The following LTBP3 variants were observed in gnomAD, a reference collection of about 807,000 sequenced individuals.
The protein encoded by LTBP3 is latent transforming growth factor beta binding protein 3.
LTBP3 carries 97 observed loss-of-function variants against 159.7 expected under a neutral mutation model. The ratio of observed to expected loss-of-function variants is 0.61; its 90% confidence interval spans 0.52 to 0.72. The LOEUF is 0.72. Among genes scored for constraint, LTBP3 ranks in the 30% least tolerant of loss-of-function variants. The pLI is 0.00. For synonymous variants in LTBP3, 824 were observed against 777.1 expected (o/e 1.06, Z -1.00); for missense variants, 1,584 against 1,864.3 (o/e 0.85, Z 2.77).
At position 65,558,186 on chromosome 11, in the gene LTBP3, A is replaced by G; in HGVS notation, c.-227T>C. 1 of 1,061,948 alleles carries G rather than the reference A, an allele frequency of 9.4e-7. No homozygotes were observed. Among genetic ancestry groups the G allele is most frequent in the Non-Finnish European group, 1.1e-6 (1 of 878,044 alleles). The allele number at this position is 1,061,948 out of a possible 1,614,324, so 65.8% of individuals were successfully genotyped here. A position where few individuals can be genotyped will look rare whatever the true frequency, so the allele number is the denominator to read the frequency against. ...TTCCCAGCCCCAGGACGAAGCCCAG[A>G]CCAGGCCCCGAACTCAGGCAGGAGC... On this transcript the variant is annotated 5_prime_UTR_variant, in exon 1 of 28. Coordinates refer to ENST00000301873, the MANE Select transcript of LTBP3 (RefSeq NM_001130144.3).
At chr11:65,541,767 T>C in intron 18 of LTBP3, 39 bp from the exon 19 acceptor site, 7 of 1,612,352 alleles carry the variant, frequency 4.3e-6, no homozygotes, top group Non-Finnish European at 5.9e-6. Flanking sequence ...ACCCAGCCCC[T>C]CTTTCCCTGG....
Position 65,539,770 on chromosome 11 carries a change from T to C in LTBP3, c.3497A>G (p.Gln1166Arg). The change falls in exon 25 of 28, where the codon CAG becomes CGG. Residue 1166 changes from glutamine to arginine, a missense_variant. Coordinates refer to ENST00000301873, the MANE Select transcript of LTBP3 (RefSeq NM_001130144.3). ...ALTFDDCCCR[Q>R]GRGWGAQCRP... is the part of the protein sequence containing the mutation. ...GCATTGGGCGCCCCAGCCGCGGCCC[T>C]GGCGGCAGCAGCAGTCGTCGAAGGT... The C allele has an allele frequency of 1.9e-6, 3 of 1,545,616 alleles. No homozygotes were observed. The highest frequency in any genetic ancestry group is 2.4e-5 in the East Asian group (1 of 42,044).
rs559422035 is a variant in LTBP3, at chr11:65,555,355, TGCCTGCC to T, written c.332-982_332-976del. Among the ~76,000 whole-genome samples, 12 of 152,192 alleles carry T rather than the reference TGCCTGCC, an allele frequency of 7.9e-5. No individual in the cohort carries two copies. The East Asian group carries it at 2.1e-3, about 27-fold the overall frequency. On this transcript the variant is annotated intron_variant, in intron 1 of 27. Transcript: ENST00000301873. ...AGGACCCATCTCCCTCTTGCAAATG[TGCCTGCC>T]TCCTGCCTCCTGGCCTCATCCATGC...
intron 18 of LTBP3, among the ~76,000 whole-genome samples, chr11:65,542,242 C>G (rs1298151415): frequency 1.3e-5 from 2 of 152,176 alleles, no homozygotes; most frequent in Non-Finnish European, 2.9e-5. Context: ...AATCATTAGT[C>G]TATACCTTTC....
In LTBP3 at chr11:65,538,620, A is replaced by T; in HGVS notation, c.*460T>A. The T allele has an allele frequency of 6.3e-7, 1 of 1,578,508 alleles. No homozygotes were observed. The highest frequency in any genetic ancestry group is 2.3e-5 in the East Asian group (1 of 44,134). On this transcript the variant is annotated 3_prime_UTR_variant, in exon 28 of 28. Transcript: ENST00000301873. ...GAGAGCCCGCCCCACAGATGTATTT[A>T]TTGTACAAACCATGTGAGCCCGGCC...
At chr11:65,555,115 A>G (rs1856763502) in intron 1 of LTBP3, among the ~76,000 whole-genome samples, 1 of 151,848 alleles carries the variant, frequency 6.6e-6, no homozygotes, top group South Asian at 2.1e-4. Context: ...ACAGCCTCTA[A>G]TGTCCCATGA....
intron 1 of LTBP3, among the ~76,000 whole-genome samples, chr11:65,555,083 T>TCCTGCTCTCC (rs1417160879): frequency 6.6e-6 from 1 of 152,056 alleles, no homozygotes; most frequent in Admixed American, 6.5e-5. Flanking sequence ...GCTCCGTCCC[T>TCCTGCTCTCC]CCTGCTCTCC....
Position 65,538,660 on chromosome 11 carries a change from A to C in LTBP3, c.*420T>G, listed in dbSNP as rs1405113933. 1.7e-5 allele frequency: 23 copies of C among 1,387,230 alleles called. No individual in the cohort carries two copies. Among genetic ancestry groups the C allele is most frequent in the Non-Finnish European group, 2.2e-5 (23 of 1,028,308 alleles). The allele number at this position is 1,387,230 out of a possible 1,614,324, so 85.9% of individuals were successfully genotyped here. ...TGAGCCCGGCCGGCCCAGCCAGGCC[A>C]TCTCACGTGTACATAATCAGAGCCA... On this transcript the variant is annotated 3_prime_UTR_variant, in exon 28 of 28. Transcript: ENST00000301873.
At position 65,547,705 on chromosome 11, in the gene LTBP3, C is replaced by T. The variant is rs770990142; in HGVS notation, c.1963G>A (p.Gly655Arg). ...RGYRLHVGAG[G>R]RSCVDLNECA... ...CGGCGCTCACCCACGCACGAGCGCC[C>T]CCCGGCGCCCACGTGCAGGCGGTAG... Residue 655 changes from glycine to arginine, a missense_variant, in exon 13 of 28, where the codon GGG (glycine) becomes AGG (arginine). Gly to Arg is a moderately radical substitution (Grantham distance 125). Coordinates refer to ENST00000301873, the MANE Select transcript of LTBP3 (RefSeq NM_001130144.3). The surrounding 1 kb of genome is among the most constrained non-coding windows in gnomAD (Gnocchi z 4.6). The T allele has an allele frequency of 1.2e-6, 2 of 1,605,534 alleles. No individual in the cohort carries two copies. The highest frequency in any genetic ancestry group is 2.7e-5 in the African/African-American group (2 of 74,784).
chr11:65,553,594 G>C lies in LTBP3; in HGVS notation c.865-64C>G. The stretch of plus-strand genomic sequence containing the variant: ...CGCCCCGGTGCCGCCTGTTAGGGTT[G>C]GGCCTTTTCCTCTTCCCCCGCCCCT... On this transcript the variant is annotated intron_variant, in intron 3 of 27. Coordinates refer to ENST00000301873, the MANE Select transcript of LTBP3 (RefSeq NM_001130144.3). This position sits in a 1 kb window ranked among gnomAD's most constrained non-coding sequence, Gnocchi z 6.5. 5 of 1,499,784 alleles carry C rather than the reference G, an allele frequency of 3.3e-6. No individual in the cohort carries two copies. The highest frequency in any genetic ancestry group is 3.7e-6 in the Non-Finnish European group (4 of 1,093,306). The allele number at this position is 1,499,784 out of a possible 1,614,324, so 92.9% of individuals were successfully genotyped here.
In LTBP3 at chr11:65,553,948, C is replaced by T; in HGVS notation, c.662-45G>A. 6.6e-7 allele frequency: 1 copy of T among 1,526,364 alleles called. No homozygotes were observed. The highest frequency in any genetic ancestry group is 8.8e-7 in the Non-Finnish European group (1 of 1,132,466). 94.6% of individuals were successfully genotyped at this position (1,526,364 alleles called of 1,614,324 possible). A position where few individuals can be genotyped will look rare whatever the true frequency, so the allele number is the denominator to read the frequency against. ...CCTCAGGGCTGCCCGCACCGCGCCG[C>T]GGGTCACCGCGCTGAGCTCCTCCAG... On this transcript the variant is annotated intron_variant, in intron 2 of 27. Coordinates refer to ENST00000301873, the MANE Select transcript of LTBP3 (RefSeq NM_001130144.3). This position sits in a 1 kb window ranked among gnomAD's most constrained non-coding sequence, Gnocchi z 6.5.
intron 1 of LTBP3, among the ~76,000 whole-genome samples, chr11:65,555,805 CAGGGCAGG>C (rs1262155083): frequency 6.6e-6 from 1 of 152,162 alleles, no homozygotes; most frequent in African/African-American, 2.4e-5. Context: ...CCTCACTTCC[CAGGGCAGG>C]AGGGCAGGAG....
Position 65,547,625 on chromosome 11 carries a change from A to G in LTBP3, c.1979-58T>C, listed in dbSNP as rs947240307. On this transcript the variant is annotated intron_variant, in intron 13 of 27. Coordinates refer to ENST00000301873, the MANE Select transcript of LTBP3 (RefSeq NM_001130144.3). The surrounding 1 kb of genome is among the most constrained non-coding windows in gnomAD (Gnocchi z 4.6). ...TAGGAGGCGGCGGGCAAGGGGAGGG[A>G]TTACACGGCGGTCTGGAGGAGAGCC... is the stretch of plus-strand genomic sequence containing the variant. 5 of 1,609,776 alleles carry G rather than the reference A, an allele frequency of 3.1e-6. No homozygotes were observed. Among genetic ancestry groups the G allele is most frequent in the Non-Finnish European group, 8.5e-7 (1 of 1,178,528 alleles).
intron 1 of LTBP3, among the ~76,000 whole-genome samples, chr11:65,555,040 T>A (rs1156399901): frequency 1.3e-5 from 2 of 151,828 alleles, no homozygotes; most frequent in African/African-American, 4.8e-5. Context: ...CCTCTTCACC[T>A]GGCCACCAGG....
rs982003182 is a variant in LTBP3 at position 65,539,238 on chromosome 11, G to A, written c.3761-7C>T. 1.3e-6 allele frequency: 2 copies of A among 1,526,338 alleles called. No individual in the cohort carries two copies. Among genetic ancestry groups the A allele is most frequent in the South Asian group, 1.2e-5 (1 of 83,276 alleles). 94.5% of individuals were successfully genotyped at this position (1,526,338 alleles called of 1,614,324 possible). A position where few individuals can be genotyped will look rare whatever the true frequency, so the allele number is the denominator to read the frequency against. Reference sequence around the variant, plus strand: ...TCTCGGCACTCGTCGATATCTGAAGGTGAGGGCGACAGGTGCGGCTTCGCT... The same window carrying A: ...TCTCGGCACTCGTCGATATCTGAAGATGAGGGCGACAGGTGCGGCTTCGCT... On this transcript the variant is annotated splice_region_variant and splice_polypyrimidine_tract_variant and intron_variant, in intron 27 of 27. Transcript: ENST00000301873.
chr11:65,552,710 C>A lies in LTBP3; in HGVS notation c.1186+150G>T, dbSNP rs1856654811. Reference sequence around the variant, plus strand: ...CTGCTAATGGCAGATCTCATGTGACCCCGGACCCTGCTGATCCCTGATCCT... The same window carrying A: ...CTGCTAATGGCAGATCTCATGTGACACCGGACCCTGCTGATCCCTGATCCT... On this transcript the variant is annotated intron_variant, in intron 6 of 27. Transcript: ENST00000301873. This position sits in a 1 kb window ranked among gnomAD's most constrained non-coding sequence, Gnocchi z 6.0. 1.7e-6 allele frequency: 2 copies of A among 1,176,556 alleles called. No individual in the cohort carries two copies. Among genetic ancestry groups the A allele is most frequent in the African/African-American group, 1.5e-5 (1 of 65,874 alleles). 72.9% of individuals were successfully genotyped at this position (1,176,556 alleles called of 1,614,324 possible).
In LTBP3 at chr11:65,539,447, G is replaced by A; in HGVS notation, c.3641C>T (p.Ser1214Leu). 3 of 1,562,190 alleles carry A rather than the reference G, an allele frequency of 1.9e-6. No individual in the cohort carries two copies. Among genetic ancestry groups the A allele is most frequent in the Non-Finnish European group, 2.6e-6 (3 of 1,153,186 alleles). Reference sequence around the variant, plus strand: ...GCGACACTCGTCTGAATCCTCCTCTGAACTGTCCTCATCTGCGTGGCCCGG... The same window carrying A: ...GCGACACTCGTCTGAATCCTCCTCTAAACTGTCCTCATCTGCGTGGCCCGG... ...LGKPPRDEDS[S>L]EEDSDECRCV... The change falls in exon 27 of 28, where the codon TCA (serine) becomes TTA (leucine). Residue 1214 changes from serine to leucine, a missense_variant. This residue lies in a region of LTBP3 where 514 missense variants were observed against 530.3 expected (regional missense o/e 0.97). Coordinates refer to ENST00000301873, the MANE Select transcript of LTBP3 (RefSeq NM_001130144.3).
chr11:65,538,871 G>A lies in LTBP3; in HGVS notation c.*209C>T, dbSNP rs1855891113. On this transcript the variant is annotated 3_prime_UTR_variant, in exon 28 of 28. Transcript: ENST00000301873. ...TCTAGGAAACACCCTCTGGGAGGAA[G>A]GCAGGCAGCGCCCGCCGGAGACCTT... 1 of 948,730 alleles carries A rather than the reference G, an allele frequency of 1.1e-6. No homozygotes were observed. The highest frequency in any genetic ancestry group is 3.2e-5 in the East Asian group (1 of 31,674). 58.8% of individuals were successfully genotyped at this position (948,730 alleles called of 1,614,324 possible).
At chr11:65,543,405 C>A in intron 17 of LTBP3, 22 bp downstream of exon 17, 1 of 1,613,724 alleles carries the variant, frequency 6.2e-7, no homozygotes, top group Non-Finnish European at 8.5e-7. Context: ...CAGGTCAGCA[C>A]CCCAGCTCTA....
Sources: gnomAD v4.1 joint callset for allele counts (sites outside exome capture counted in the v4.1 genomes callset) on GRCh38, gnomAD v4.1.1 for gene constraint, gnomAD v4.1.1 regional missense constraint, Gnocchi (gnomAD v3.1) non-coding constraint, MANE v1.5 for transcripts, NCBI Gene and HGNC (gene_info 2026-07-23, HGNC 2026-07-21) for gene names.